ARHGAP10: variants seen among roughly 807,000 people sequenced by gnomAD.
ARHGAP10 encodes rho GTPase-activating protein 10.
A neutral mutation model predicts 108.6 loss-of-function variants in ARHGAP10; 87 were observed. The ratio of observed to expected loss-of-function variants is 0.80; its 90% CI spans 0.67 to 0.96. ARHGAP10 has a LOEUF of 0.96. Among genes scored for constraint, ARHGAP10 ranks in the 40% least tolerant of loss-of-function variants. The probability of loss-of-function intolerance (pLI) is 0.00; values close to 1 mark genes in which losing one functional copy is unlikely to be tolerated. For missense variants in ARHGAP10, 939 were observed against 954.5 expected (o/e 0.98, Z 0.21); for synonymous variants, 347 against 341.1 (o/e 1.02, Z -0.19).
intron 1 of ARHGAP10, among the ~76,000 whole-genome samples, chr4:147,791,186 A>G (rs986692132): frequency 1.4e-5 from 2 of 147,412 alleles, no homozygotes; most frequent in African/African-American, 5.1e-5. Flanking sequence ...ATCTCAGCTC[A>G]CTGCAGCCTC....
At chr4:148,004,802 C>T (rs889848222) in intron 18 of ARHGAP10, among the ~76,000 whole-genome samples, 1 of 152,202 alleles carries the variant, frequency 6.6e-6, no homozygotes, top group Admixed American at 6.5e-5. Context: ...CTGAGGACCT[C>T]CAGAGCAGAA....
intron 5 of ARHGAP10, chr4:147,863,010 G>A (rs2126841623): frequency 6.6e-6 from 1 of 152,198 alleles, no homozygotes; most frequent in Non-Finnish European, 1.5e-5. Flanking sequence ...TTGCTGAAAT[G>A]GTTTTTATTA....
At chr4:148,006,673 A>T (rs954598723) in intron 18 of ARHGAP10, among the ~76,000 whole-genome samples, 1 of 152,230 alleles carries the variant, frequency 6.6e-6, no homozygotes, top group South Asian at 2.1e-4. Flanking sequence ...TTTAAGGGGA[A>T]AAAAGGGAAC....
At chr4:148,036,594 G>A (rs112218084) in intron 19 of ARHGAP10, among the ~76,000 whole-genome samples, 3 of 152,176 alleles carry the variant, frequency 2.0e-5, no homozygotes, top group Non-Finnish European at 4.4e-5. Context: ...TGCCATGATT[G>A]TAAGTTTCCT....
intron 1 of ARHGAP10, among the ~76,000 whole-genome samples, chr4:147,818,331 C>T (rs914003308): frequency 2.6e-5 from 4 of 151,680 alleles, no homozygotes; most frequent in African/African-American, 9.7e-5. Flanking sequence ...TTTGGGAGGC[C>T]GAGGCAGGTG....
At chr4:148,017,218 GCATTC>G (rs939395640) in intron 18 of ARHGAP10, among the ~76,000 whole-genome samples, 28 of 152,162 alleles carry the variant, frequency 1.8e-4, no homozygotes, top group Non-Finnish European at 3.4e-4. Context: ...TCTCTGTGCA[GCATTC>G]CCTCCTCCAG....
At chr4:148,028,797 A>G (rs1403068146) in intron 19 of ARHGAP10, among the ~76,000 whole-genome samples, 7 of 152,218 alleles carry the variant, frequency 4.6e-5, no homozygotes, top group Non-Finnish European at 8.8e-5. Flanking sequence ...AGCAAAAATA[A>G]AATGGATATC....
chr4:147,946,479 A>G lies in ARHGAP10; in HGVS notation c.1304-138A>G. On this transcript the variant is annotated intron_variant, in intron 14 of 22. Transcript: ENST00000336498. ...ACATAGCTTATAGTATTTTAGAGAA[A>G]TCATATATATAATGTTTTCCTAGGA... 6.5e-6 allele frequency: 4 copies of G among 617,324 alleles called. No individual in the cohort carries two copies. The South Asian group carries it at 1.0e-4, about 15-fold the overall frequency. 38.2% of individuals were successfully genotyped at this position (617,324 alleles called of 1,614,324 possible). A position where few individuals can be genotyped will look rare whatever the true frequency, so the allele number is the denominator to read the frequency against.
chr4:147,792,721 T>C (rs1323118221), intron 1 of ARHGAP10, among the ~76,000 whole-genome samples: 2 of 152,216 alleles, frequency 1.3e-5, no homozygotes, highest in Non-Finnish European at 2.9e-5. Context: ...TTCCTGTTCT[T>C]TTGTAGTGTC....
chr4:147,738,347 C>T (rs772913446), intron 1 of ARHGAP10, among the ~76,000 whole-genome samples: 2 of 151,992 alleles, frequency 1.3e-5, no homozygotes, highest in Admixed American at 6.6e-5. Flanking sequence ...GTCAGGAGAT[C>T]GAGACCATCC....
intron 4 of ARHGAP10, among the ~76,000 whole-genome samples, chr4:147,848,879 T>G (rs1311781797): frequency 3.9e-5 from 6 of 152,250 alleles, no homozygotes; most frequent in Admixed American, 3.9e-4. Flanking sequence ...AAGTAATCCT[T>G]TTAAAAGGAG....
intron 10 of ARHGAP10, among the ~76,000 whole-genome samples, chr4:147,896,155 G>GA (rs1735985856): frequency 6.6e-6 from 1 of 152,122 alleles, no homozygotes; most frequent in African/African-American, 2.4e-5. Context: ...GTTCATGAGA[G>GA]ATGTGTGCGT....
At chr4:148,043,545 A>T (rs1728723575) in intron 19 of ARHGAP10, among the ~76,000 whole-genome samples, 2 of 145,130 alleles carry the variant, frequency 1.4e-5, no homozygotes, top group South Asian at 4.5e-4. Flanking sequence ...TTGAGAAGTC[A>T]AGACAGGAGA....
chr4:147,851,928 G>C (rs758571134), intron 4 of ARHGAP10, among the ~76,000 whole-genome samples: 1 of 152,076 alleles, frequency 6.6e-6, no homozygotes, highest in African/African-American at 2.4e-5. Context: ...ATCCTCTTTC[G>C]GTGCCTTAAT....
intron 9 of ARHGAP10, among the ~76,000 whole-genome samples, chr4:147,880,770 C>T (rs1735294863): frequency 6.6e-6 from 1 of 152,028 alleles, no homozygotes; most frequent in South Asian, 2.1e-4. Context: ...TTAAATGGTT[C>T]TAGCTTTAGA....
At chr4:147,898,905 G>A (rs1167289490) in intron 10 of ARHGAP10, among the ~76,000 whole-genome samples, 3 of 152,178 alleles carry the variant, frequency 2.0e-5, no homozygotes, top group Non-Finnish European at 2.9e-5. Flanking sequence ...TCACTATCAG[G>A]AGAGCAGCAC....
chr4:147,933,245 T>A (rs1737776457), intron 13 of ARHGAP10, among the ~76,000 whole-genome samples: 2 of 152,076 alleles, frequency 1.3e-5, no homozygotes, highest in Non-Finnish European at 2.9e-5. Context: ...AGGGACAAGG[T>A]TTTGCTATGT....
intron 19 of ARHGAP10, among the ~76,000 whole-genome samples, chr4:148,024,647 G>A (rs534267484): frequency 8.5e-5 from 13 of 152,342 alleles, no homozygotes; most frequent in African/African-American, 3.1e-4. Flanking sequence ...TCCAGAGGAA[G>A]GGCATGAATC....
chr4:147,903,676 T>A (rs999978489), intron 10 of ARHGAP10, among the ~76,000 whole-genome samples: 5 of 152,212 alleles, frequency 3.3e-5, no homozygotes, highest in African/African-American at 1.2e-4. Flanking sequence ...TTTGACCTTT[T>A]CCAGAGTGTC....
Sources: allele counts gnomAD v4.1 joint callset (sites outside exome capture counted in the v4.1 genomes callset), GRCh38; gene constraint gnomAD v4.1.1; transcripts MANE v1.5; gene names NCBI Gene and HGNC (gene_info 2026-07-23, HGNC 2026-07-21).